Variants in TERF1 observed in about 807,000 individuals in gnomAD.
TERF1 encodes telomeric repeat binding factor 1.
Under a neutral mutation model 55.1 loss-of-function variants are expected in TERF1, and 20 were observed. The observed-to-expected ratio is 0.36, with a 90% confidence interval of 0.26 to 0.53. TERF1 has a LOEUF of 0.53. Among genes scored for constraint, TERF1 ranks in the 20% least tolerant of loss-of-function variants. TERF1 has a pLI of 0.91. For synonymous variants in TERF1, 168 were observed against 181.2 expected (o/e 0.93, Z 0.59); for missense variants, 439 against 535.7 (o/e 0.82, Z 1.78).
intron 1 of TERF1, 69 bp from the exon 2 acceptor site, chr8:73,013,826 A>G: frequency 1.1e-6 from 1 of 936,812 alleles, no homozygotes; most frequent in South Asian, 1.5e-5. Context: ...CCTATTACTC[A>G]ACAAACCACA....
Position 73,008,928 on chromosome 8 carries a change from C to A in TERF1, c.42C>A (p.Gly14=), listed in dbSNP as rs150799660. ...CCTCAGCGGCCCCGAGCCCGCGGGG[C>A]TGTGCGGATGGTAGGGATGCCGACC... ...DVSSAAPSPR[G]CADGRDADPT... The change falls in exon 1 of 10, where the codon GGC becomes GGA. Residue 14 remains glycine (G), a synonymous_variant. Coordinates refer to ENST00000276603, the MANE Select transcript of TERF1 (RefSeq NM_017489.3). The A allele has an allele frequency of 6.2e-7, 1 of 1,612,444 alleles. No homozygotes were observed. Among genetic ancestry groups the A allele is most frequent in the Admixed American group, 1.7e-5 (1 of 59,814 alleles).
In TERF1 at chr8:73,024,735, C is replaced by A. The variant is rs1048849903; in HGVS notation, c.625-87C>A. 5.1e-6 allele frequency: 5 copies of A among 981,260 alleles called. No homozygotes were observed. In the African/African-American group the frequency reaches 9.0e-5, roughly 18 times the overall value. 60.8% of individuals were successfully genotyped at this position (981,260 alleles called of 1,614,324 possible). ...GTCTCTTGAGTTTGTAAAGTGATTTCTTTTCAATTAAATAATATGTGACAA... is the reference window on the plus strand; with the variant it reads ...GTCTCTTGAGTTTGTAAAGTGATTTATTTTCAATTAAATAATATGTGACAA... On this transcript the variant is annotated intron_variant, in intron 4 of 9. Coordinates refer to ENST00000276603, the MANE Select transcript of TERF1 (RefSeq NM_017489.3).
In TERF1 at chr8:73,039,237, AT is replaced by A. The variant is rs1312316382; in HGVS notation, c.1143+20del. The A allele has an allele frequency of 6.6e-7, 1 of 1,518,524 alleles. No individual in the cohort carries two copies. Among genetic ancestry groups the A allele is most frequent in the South Asian group, 1.2e-5 (1 of 82,976 alleles). The allele number at this position is 1,518,524 out of a possible 1,614,324, so 94.1% of individuals were successfully genotyped here. ...AAAGACAGGTATTTGGTTTTTTAAA[AT>A]TCGAATAACGCTTATGGACATTAAA... On this transcript the variant is annotated intron_variant, in intron 9 of 9. Transcript: ENST00000276603.
At chr8:73,021,698 A>G (rs1808760704) in intron 3 of TERF1, among the ~76,000 whole-genome samples, 1 of 152,166 alleles carries the variant, frequency 6.6e-6, no homozygotes, top group Non-Finnish European at 1.5e-5. Flanking sequence ...TAGCTACCCA[A>G]ATGGTAAGTG....
At chr8:73,011,928 G>A (rs1032217888) in intron 1 of TERF1, 10 of 151,986 alleles carry the variant, frequency 6.6e-5, no homozygotes, top group Admixed American at 6.6e-4. Context: ...TTTCCTTTGA[G>A]AACTTTTCCT....
rs55908228 is a variant in TERF1, at chr8:73,009,625, C to T, written c.319+420C>T. 1.8e-3 allele frequency: 297 copies of T among 162,972 alleles called. 2 individuals are homozygous for T. The highest frequency in any genetic ancestry group is 6.5e-3 in the African/African-American group (270 of 41,800). 10.1% of individuals were successfully genotyped at this position (162,972 alleles called of 1,614,324 possible). A position where few individuals can be genotyped will look rare whatever the true frequency, so the allele number is the denominator to read the frequency against. On this transcript the variant is annotated intron_variant, in intron 1 of 9. Transcript: ENST00000276603. ...TTGTGAGCTATTAAATCTCATTTGG[C>T]CTGCTGGCTCTACAGCAGTTACTTT...
intron 9 of TERF1, among the ~76,000 whole-genome samples, chr8:73,042,479 C>A (rs897226372): frequency 1.3e-5 from 2 of 151,798 alleles, no homozygotes; most frequent in Non-Finnish European, 2.9e-5. Flanking sequence ...AAAAAACTTA[C>A]GGCAATAGCC....
At chr8:73,038,780 C>T in intron 8 of TERF1, 1 of 968,972 alleles carries the variant, frequency 1.0e-6, no homozygotes, top group South Asian at 4.8e-5. Flanking sequence ...CTTCTTAGTA[C>T]TCCTAAAACA....
At chr8:73,037,681 AATAT>A (rs1482980832) in intron 8 of TERF1, among the ~76,000 whole-genome samples, 3 of 65,936 alleles carry the variant, frequency 4.5e-5, no homozygotes, top group Non-Finnish European at 8.4e-5. Context: ...TATTATATAT[AATAT>A]ATATTATATA....
chr8:73,018,336 A>G (rs576209308), intron 2 of TERF1, among the ~76,000 whole-genome samples: 5 of 152,330 alleles, frequency 3.3e-5, no homozygotes, highest in African/African-American at 1.2e-4. Flanking sequence ...TTTAAACTGC[A>G]TGCTCACTCT....
intron 5 of TERF1, among the ~76,000 whole-genome samples, chr8:73,026,369 C>T (rs781272102): frequency 1.3e-5 from 2 of 151,830 alleles, no homozygotes; most frequent in Non-Finnish European, 2.9e-5. Flanking sequence ...GGCATAGTGG[C>T]GCATGCCTGT....
chr8:73,041,895 T>G (rs1346288145), intron 9 of TERF1, among the ~76,000 whole-genome samples: 2 of 152,284 alleles, frequency 1.3e-5, no homozygotes, highest in South Asian at 4.1e-4. Flanking sequence ...CATCAGTTCC[T>G]CAGTCACAGT....
At chr8:73,018,823 T>C (rs926024753) in intron 2 of TERF1, 2 of 152,182 alleles carry the variant, frequency 1.3e-5, no homozygotes, top group Non-Finnish European at 2.9e-5. Context: ...AAATTTGAAA[T>C]ATGCATTATA....
intron 1 of TERF1, chr8:73,012,800 C>A: frequency 2.4e-6 from 1 of 414,186 alleles, no homozygotes; most frequent in South Asian, 1.7e-5. Flanking sequence ...TCGTGGTACT[C>A]ATTAAAATTT....
At chr8:73,038,617 T>C (rs1159706086) in intron 8 of TERF1, 1 of 221,408 alleles carries the variant, frequency 4.5e-6, no homozygotes, top group Non-Finnish European at 7.6e-6. Flanking sequence ...TTGATCTTAC[T>C]GATCTTTTAA....
At chr8:73,039,061 G>C in intron 8 of TERF1, 55 bp from the exon 9 acceptor site, 3 of 1,117,050 alleles carry the variant, frequency 2.7e-6, no homozygotes, top group Non-Finnish European at 3.8e-6. Flanking sequence ...AAATATAATT[G>C]CTCTTTTTTC....
rs1039643332 is a variant in TERF1 at position 73,037,065 on chromosome 8, A to G, written c.1040-2051A>G. ...TGTACATAATATATAATTATAATAT[A>G]TATAATAATTATACTACATATAATA... On this transcript the variant is annotated intron_variant, in intron 8 of 9. Coordinates refer to ENST00000276603, the MANE Select transcript of TERF1 (RefSeq NM_017489.3). Among the ~76,000 whole-genome samples, 23 of 137,100 alleles carry G rather than the reference A, an allele frequency of 1.7e-4. No homozygotes were observed. The South Asian group carries it at 4.7e-3, about 28-fold the overall frequency. 89.9% of individuals were successfully genotyped at this position (137,100 alleles called of 152,430 possible).
intron 2 of TERF1, among the ~76,000 whole-genome samples, chr8:73,018,565 A>G (rs1808623692): frequency 6.6e-6 from 1 of 152,162 alleles, no homozygotes; most frequent in African/African-American, 2.4e-5. Flanking sequence ...AATCCCAGCT[A>G]CTTGGGAGAC....
chr8:73,016,434 A>C (rs1274671985), intron 2 of TERF1, among the ~76,000 whole-genome samples: 1 of 149,542 alleles, frequency 6.7e-6, no homozygotes, highest in Non-Finnish European at 1.5e-5. Flanking sequence ...ATGGAACTTT[A>C]AGCTTTTTTT....
Sources: gnomAD v4.1 joint callset for allele counts (sites outside exome capture counted in the v4.1 genomes callset) on GRCh38, gnomAD v4.1.1 for gene constraint, MANE v1.5 for transcripts, NCBI Gene and HGNC (gene_info 2026-07-23, HGNC 2026-07-21) for gene names.